FNTA: variants seen among roughly 807,000 people sequenced by gnomAD.
FNTA encodes farnesyltransferase, CAAX box, subunit alpha.
A neutral mutation model predicts 55.2 loss-of-function variants in FNTA; 27 were observed. That is an observed-to-expected ratio of 0.49 (90% CI 0.36 to 0.67). The LOEUF is 0.67. FNTA is among the 30% of genes least tolerant of loss of function. The probability of loss-of-function intolerance (pLI) is 0.00; values close to 1 mark genes in which losing one functional copy is unlikely to be tolerated. For missense variants in FNTA, 422 were observed against 464.7 expected, an observed-to-expected ratio of 0.91 and a Z score of 0.85; for synonymous variants, 176 against 170.7, an observed-to-expected ratio of 1.03 and a Z score of -0.24.
In FNTA at chr8:43,084,797, A is replaced by C; in HGVS notation, c.933A>C (p.Leu311=). The change falls in exon 8 of 9, where the codon CTA becomes CTC. Residue 311 remains leucine, a synonymous_variant. Coordinates refer to ENST00000302279, the MANE Select transcript of FNTA (RefSeq NM_002027.3). The part of the protein sequence containing the change: ...DLQPSHSSPY[L]IAFLVDIYED... ...AACCAAGTCATAGTTCCCCCTACCT[A>C]ATTGCCTTTCTTGTGGATATCTATG... 1 of 1,613,470 alleles carries C rather than the reference A, an allele frequency of 6.2e-7. No individual in the cohort carries two copies. Among genetic ancestry groups the C allele is most frequent in the Non-Finnish European group, 8.5e-7 (1 of 1,179,460 alleles).
intron 4 of FNTA, 123 bp from the exon 5 acceptor site, chr8:43,072,058 A>C: frequency 1.5e-6 from 1 of 649,006 alleles, no homozygotes; most frequent in Non-Finnish European, 2.4e-6. Context: ...TGGAGTGTTA[A>C]GAATTAGAGA....
chr8:43,075,652 C>T (rs528292841), intron 5 of FNTA, among the ~76,000 whole-genome samples: 1 of 152,048 alleles, frequency 6.6e-6, no homozygotes, highest in East Asian at 1.9e-4. Context: ...CTGGTCTCTA[C>T]GAAAACTACA....
At chr8:43,077,553 T>C (rs1272080042) in intron 6 of FNTA, 189 bp downstream of exon 6, 2 of 387,294 alleles carry the variant, frequency 5.2e-6, no homozygotes, top group African/African-American at 4.1e-5. Flanking sequence ...GTATCTTAAG[T>C]TTCTTGAAAT....
intron 8 of FNTA, 27 bp downstream of exon 8, chr8:43,084,908 A>G (rs773466937): frequency 5.0e-6 from 8 of 1,601,462 alleles, no homozygotes; most frequent in Admixed American, 3.5e-5. Context: ...CAGTGCTGTC[A>G]TTTTTGGTAT....
intron 5 of FNTA, among the ~76,000 whole-genome samples, chr8:43,072,657 T>C (rs1444812433): frequency 6.6e-6 from 1 of 151,998 alleles, no homozygotes; most frequent in African/African-American, 2.4e-5. Flanking sequence ...AGCCCAAGAA[T>C]TTGAGGTTGC....
At chr8:43,056,627 C>T in intron 1 of FNTA, 81 bp downstream of exon 1, 1 of 951,950 alleles carries the variant, frequency 1.1e-6, no homozygotes, top group Non-Finnish European at 1.4e-6. Context: ...GCGCTTCCGG[C>T]CCCGGCGCGC....
intron 2 of FNTA, chr8:43,063,222 AG>A (rs1310888643): frequency 2.2e-6 from 1 of 454,522 alleles, no homozygotes; most frequent in African/African-American, 2.0e-5. Context: ...CTGTGACTGC[AG>A]GCCTGGATCA....
intron 3 of FNTA, among the ~76,000 whole-genome samples, chr8:43,069,016 T>A (rs926242414): frequency 6.6e-6 from 1 of 151,594 alleles, no homozygotes; most frequent in Non-Finnish European, 1.5e-5. Context: ...CTGGCCACCT[T>A]TCACTATTTT....
chr8:43,071,876 A>G (rs1451956067), intron 4 of FNTA, among the ~76,000 whole-genome samples: 1 of 152,250 alleles, frequency 6.6e-6, no homozygotes, highest in Non-Finnish European at 1.5e-5. Context: ...AGGAACTTAT[A>G]TATTTGATAA....
intron 4 of FNTA, among the ~76,000 whole-genome samples, chr8:43,069,924 A>G (rs1810748939): frequency 6.6e-6 from 1 of 151,888 alleles, no homozygotes; most frequent in Non-Finnish European, 1.5e-5. Context: ...GATTACAGGT[A>G]TGAGCCATTG....
At chr8:43,064,246 C>T in intron 3 of FNTA, 31 bp downstream of exon 3, 3 of 1,310,780 alleles carry the variant, frequency 2.3e-6, no homozygotes, top group Non-Finnish European at 3.3e-6. Flanking sequence ...GTATTCCCTG[C>T]TTAAATGTTT....
At chr8:43,069,864 G>A (rs183381340) in intron 4 of FNTA, among the ~76,000 whole-genome samples, 2 of 151,212 alleles carry the variant, frequency 1.3e-5, no homozygotes, top group Non-Finnish European at 3.0e-5. Flanking sequence ...GGCTGGTCTC[G>A]AACTTCTGAC....
At chr8:43,056,742 G>T (rs530130004) in intron 1 of FNTA, 196 bp downstream of exon 1, 6 of 200,222 alleles carry the variant, frequency 3.0e-5, no homozygotes, top group African/African-American at 9.4e-5. Context: ...GCGAGACCGC[G>T]GGGACGCGAA....
intron 2 of FNTA, among the ~76,000 whole-genome samples, chr8:43,062,009 G>A (rs1044507076): frequency 6.6e-6 from 1 of 152,088 alleles, no homozygotes; most frequent in Admixed American, 6.6e-5. Flanking sequence ...GTGAGCTACC[G>A]CGCCTGGTCT....
intron 4 of FNTA, among the ~76,000 whole-genome samples, chr8:43,071,941 ATTT>A (rs1810802312): frequency 6.6e-6 from 1 of 152,262 alleles, no homozygotes; most frequent in East Asian, 1.9e-4. Flanking sequence ...ATGTTTCTTA[ATTT>A]TTTGACACAA....
At chr8:43,067,733 T>C (rs1364832319) in intron 3 of FNTA, among the ~76,000 whole-genome samples, 1 of 151,686 alleles carries the variant, frequency 6.6e-6, no homozygotes, top group African/African-American at 2.4e-5. Flanking sequence ...TTTATTAATT[T>C]TTTTGAGATG....
chr8:43,071,523 T>G (rs906336083), intron 4 of FNTA, among the ~76,000 whole-genome samples: 2 of 151,434 alleles, frequency 1.3e-5, no homozygotes, highest in African/African-American at 4.9e-5. Context: ...ATCCAAAAAA[T>G]TAGCCGGGCG....
At chr8:43,063,251 C>T (rs1034245066) in intron 2 of FNTA, 2 of 455,842 alleles carry the variant, frequency 4.4e-6, no homozygotes, top group Non-Finnish European at 8.8e-6. Flanking sequence ...CGATTAATTT[C>T]TATATTTTTT....
chr8:43,075,935 C>G lies in FNTA; in HGVS notation c.634-1281C>G, dbSNP rs554775007. On this transcript the variant is annotated intron_variant, in intron 5 of 8. Coordinates refer to ENST00000302279, the MANE Select transcript of FNTA (RefSeq NM_002027.3). ...GTCGCCCAGAGTGCAGTGGTGCAGT[C>G]ATAGCTCACTGCAGCCTTAAACTCC... is the stretch of plus-strand genomic sequence containing the variant. Among the ~76,000 whole-genome samples, 15 of 151,130 alleles carry G rather than the reference C, an allele frequency of 9.9e-5. No individual in the cohort carries two copies. In the East Asian group the frequency reaches 2.9e-3, roughly 29 times the overall value.
Sources: gnomAD v4.1 joint callset for allele counts (sites outside exome capture counted in the v4.1 genomes callset) on GRCh38, gnomAD v4.1.1 for gene constraint, MANE v1.5 for transcripts, NCBI Gene and HGNC (gene_info 2026-07-23, HGNC 2026-07-21) for gene names.